Variants in PDE7B observed in about 807,000 individuals in gnomAD.
The protein encoded by PDE7B is 3',5'-cyclic-AMP phosphodiesterase 7B.
PDE7B carries 29 observed loss-of-function variants against 56.2 expected under a neutral mutation model. The ratio of observed to expected loss-of-function variants is 0.52; its 90% confidence interval spans 0.38 to 0.70. The LOEUF is 0.70. Ranked by LOEUF, PDE7B falls within the 30% of genes least tolerant of loss-of-function variation. The pLI is 0.00. For synonymous variants in PDE7B, 197 were observed against 196.9 expected, an observed-to-expected ratio of 1.00 and a Z score of 0.00; for missense variants, 490 against 565.0, an observed-to-expected ratio of 0.87 and a Z score of 1.35.
At chr6:135,935,461 G>A (rs1408933001) in intron 1 of PDE7B, among the ~76,000 whole-genome samples, 1 of 151,334 alleles carries the variant, frequency 6.6e-6, no homozygotes, top group Non-Finnish European at 1.5e-5. Context: ...TTCATCTCAC[G>A]GATTTTAATT....
chr6:135,916,392 C>CTTTTTTTTTTTTTT (rs566408380), intron 1 of PDE7B, among the ~76,000 whole-genome samples: 81 of 96,332 alleles, frequency 8.4e-4, no homozygotes, highest in East Asian at 2.3e-3. Context: ...TCTTTTCTTT[C>CTTTTTTTTTTTTTT]TTTTTTTTTT....
At chr6:135,944,525 T>A (rs1307979301) in intron 1 of PDE7B, among the ~76,000 whole-genome samples, 2 of 152,072 alleles carry the variant, frequency 1.3e-5, no homozygotes, top group African/African-American at 4.8e-5. Context: ...GCCTCAGCAA[T>A]TTCCCAGACC....
chr6:136,107,895 G>A (rs566091144), intron 2 of PDE7B, among the ~76,000 whole-genome samples: 18 of 152,194 alleles, frequency 1.2e-4, no homozygotes, highest in Non-Finnish European at 2.2e-4. Flanking sequence ...TTGGGAGGCC[G>A]AGGTGGGTGG....
intron 1 of PDE7B, among the ~76,000 whole-genome samples, chr6:135,901,517 G>A (rs1240592039): frequency 2.0e-5 from 3 of 152,146 alleles, no homozygotes; most frequent in African/African-American, 7.2e-5. Context: ...CCTGAAAGGG[G>A]TGGGAGCTGA....
At chr6:136,059,025 G>T (rs772451367) in intron 2 of PDE7B, among the ~76,000 whole-genome samples, 1 of 152,192 alleles carries the variant, frequency 6.6e-6, no homozygotes, top group Non-Finnish European at 1.5e-5. Context: ...CATGAATTAT[G>T]AATGAGTCAG....
intron 2 of PDE7B, among the ~76,000 whole-genome samples, chr6:136,069,831 A>T (rs891745788): frequency 1.3e-5 from 2 of 152,176 alleles, no homozygotes; most frequent in Non-Finnish European, 2.9e-5. Context: ...TCAGAATGGT[A>T]AATGAAGTGC....
intron 2 of PDE7B, among the ~76,000 whole-genome samples, chr6:136,056,893 A>T (rs1776746371): frequency 6.6e-6 from 1 of 152,016 alleles, no homozygotes; most frequent in African/African-American, 2.4e-5. Flanking sequence ...TCTTATGAAA[A>T]ATTAATAGCC....
chr6:135,937,713 T>C lies in PDE7B; in HGVS notation c.22-9751T>C, dbSNP rs1333442916. Among the ~76,000 whole-genome samples the C allele has an allele frequency of 8.5e-5, 13 of 152,280 alleles. No homozygotes were observed. The East Asian group carries it at 2.5e-3, about 29-fold the overall frequency. On this transcript the variant is annotated intron_variant, in intron 1 of 12. Coordinates refer to ENST00000308191, the MANE Select transcript of PDE7B (RefSeq NM_018945.4). ...CTTCCCGCTTCCTCAATGCCAAGGA[T>C]AAGGGCACATCAGACAGAGTCACTG...
chr6:136,007,519 G>T (rs1177052276), intron 2 of PDE7B, among the ~76,000 whole-genome samples: 3 of 151,984 alleles, frequency 2.0e-5, no homozygotes, highest in Non-Finnish European at 2.9e-5. Flanking sequence ...CCCTCAATAA[G>T]TTACTTAATC....
chr6:135,929,518 ATATCT>A (rs2128196776), intron 1 of PDE7B, among the ~76,000 whole-genome samples: 1 of 152,194 alleles, frequency 6.6e-6, no homozygotes, highest in East Asian at 1.9e-4. Flanking sequence ...AATATCTTAG[ATATCT>A]TAGGTTACAT....
intron 2 of PDE7B, among the ~76,000 whole-genome samples, chr6:136,080,663 GGGC>G (rs1777192246): frequency 6.6e-6 from 1 of 152,112 alleles, no homozygotes; most frequent in South Asian, 2.1e-4. Context: ...CTATCCTAAG[GGGC>G]AGACTTTGGA....
intron 1 of PDE7B, among the ~76,000 whole-genome samples, chr6:135,871,876 G>A (rs536424458): frequency 1.3e-5 from 2 of 151,784 alleles, no homozygotes; most frequent in Non-Finnish European, 1.5e-5. Flanking sequence ...TATTATTATT[G>A]TCTTGTAGCC....
Position 135,907,523 on chromosome 6 carries a change from C to T in PDE7B, c.22-39941C>T, listed in dbSNP as rs148009616. 3.8e-4 allele frequency among the ~76,000 whole-genome samples: 58 copies of T among 151,864 alleles called. 1 individual carries two copies. The highest frequency in any genetic ancestry group is 1.2e-3 in the African/African-American group (50 of 41,382). ...AGTTGTTATCAGAGGAGAATTAGTC[C>T]AATACAAGCTACTCTGCTATGCTCA... is the stretch of plus-strand genomic sequence containing the variant. On this transcript the variant is annotated intron_variant, in intron 1 of 12. Coordinates refer to ENST00000308191, the MANE Select transcript of PDE7B (RefSeq NM_018945.4).
At chr6:135,982,163 T>C (rs975112230) in intron 2 of PDE7B, among the ~76,000 whole-genome samples, 17 of 152,166 alleles carry the variant, frequency 1.1e-4, no homozygotes, top group Non-Finnish European at 2.9e-5. Context: ...TGTTAAGAAC[T>C]CTTAGTTTCA....
chr6:135,905,151 TAC>T, intron 1 of PDE7B, among the ~76,000 whole-genome samples: 2 of 152,298 alleles, frequency 1.3e-5, no homozygotes, highest in South Asian at 4.1e-4. Flanking sequence ...GTGTAGCAAA[TAC>T]AGTTGATTGA....
chr6:135,893,848 T>C (rs895248625), intron 1 of PDE7B, among the ~76,000 whole-genome samples: 2 of 152,190 alleles, frequency 1.3e-5, no homozygotes, highest in African/African-American at 2.4e-5. Flanking sequence ...ACCATCGTCA[T>C]TGAAGTGAAA....
At chr6:135,974,726 G>A (rs1209897098) in intron 2 of PDE7B, among the ~76,000 whole-genome samples, 1 of 152,182 alleles carries the variant, frequency 6.6e-6, no homozygotes, top group Admixed American at 6.5e-5. Context: ...CGTACTTTAA[G>A]TCAAGATATT....
intron 8 of PDE7B, among the ~76,000 whole-genome samples, chr6:136,158,827 T>C (rs1165602711): frequency 6.6e-6 from 1 of 152,258 alleles, no homozygotes; most frequent in Non-Finnish European, 1.5e-5. Context: ...ACCAAGAATT[T>C]ACTTTCTGTT....
Position 135,976,690 on chromosome 6 carries a change from T to C in PDE7B, c.82+29166T>C, listed in dbSNP as rs751507286. On this transcript the variant is annotated intron_variant, in intron 2 of 12. Transcript: ENST00000308191. ...GAAATGTCTCAGAGGCCCTGTGATA[T>C]CCCTTTGCTTAGAGCTATTTTCATT... is the stretch of plus-strand genomic sequence containing the variant. Among the ~76,000 whole-genome samples, 34 of 152,252 alleles carry C rather than the reference T, an allele frequency of 2.2e-4. 1 individual carries two copies. Among genetic ancestry groups the C allele is most frequent in the South Asian group, 6.2e-4 (3 of 4,822 alleles).
Sources: allele counts gnomAD v4.1 joint callset (sites outside exome capture counted in the v4.1 genomes callset), GRCh38; gene constraint gnomAD v4.1.1; transcripts MANE v1.5; gene names NCBI Gene and HGNC (gene_info 2026-07-23, HGNC 2026-07-21).